The following CD44 variants were observed in gnomAD, a reference collection of about 807,000 sequenced individuals.
CD44 encodes the protein CD44 antigen.
Under a neutral mutation model 88.8 loss-of-function variants are expected in CD44, and 49 were observed. The ratio of observed to expected loss-of-function variants is 0.55; its 90% CI spans 0.44 to 0.70. The LOEUF (loss-of-function observed/expected upper bound fraction) is 0.70, where lower values mean the gene tolerates loss of function less well. Ranked by LOEUF, CD44 falls within the 30% of genes least tolerant of loss-of-function variation. The probability of loss-of-function intolerance (pLI) is 0.00; values close to 1 mark genes in which losing one functional copy is unlikely to be tolerated. For missense variants in CD44, 883 were observed against 913.8 expected, an observed-to-expected ratio of 0.97 and a Z score of 0.43; for synonymous variants, 325 against 312.3, an observed-to-expected ratio of 1.04 and a Z score of -0.43.
intron 17 of CD44, among the ~76,000 whole-genome samples, chr11:35,227,722 G>A (rs1368199464): frequency 1.3e-5 from 2 of 152,186 alleles, no homozygotes; most frequent in African/African-American, 2.4e-5. Flanking sequence ...GAATAATAGA[G>A]GCTTTGTCAC....
Position 35,201,666 on chromosome 11 carries a change from A to G in CD44, c.1037-5A>G, listed in dbSNP as rs761933405. On this transcript the variant is annotated splice_polypyrimidine_tract_variant and splice_region_variant and intron_variant, in intron 8 of 17. Coordinates refer to ENST00000428726, the MANE Select transcript of CD44 (RefSeq NM_000610.4). Reference sequence around the variant, plus strand: ...TCACAGTGTATTTAACCATCATCACAGCAGATGTAGACAGAAATGGCACCA... The same window carrying G: ...TCACAGTGTATTTAACCATCATCACGGCAGATGTAGACAGAAATGGCACCA... The G allele has an allele frequency of 2.0e-5, 32 of 1,613,552 alleles. No individual in the cohort carries two copies. Among genetic ancestry groups the G allele is most frequent in the Non-Finnish European group, 2.5e-6 (3 of 1,179,640 alleles).
chr11:35,211,632 T>A (rs1351590357), intron 14 of CD44, among the ~76,000 whole-genome samples, 183 bp downstream of exon 14: 1 of 151,782 alleles, frequency 6.6e-6, no homozygotes, highest in East Asian at 1.9e-4. Flanking sequence ...GATAAAAGAA[T>A]GCTTCCTTTT....
In CD44 at chr11:35,232,303, A is replaced by G. The variant is rs568494178; in HGVS notation, c.*2970A>G. On this transcript the variant is annotated 3_prime_UTR_variant, in exon 18 of 18. Transcript: ENST00000428726. Reference sequence around the variant, plus strand: ...CTGGTTTTTGTATATTTATTGATGGATCAATAATAATGAGGAAAGCATGAT... The same window carrying G: ...CTGGTTTTTGTATATTTATTGATGGGTCAATAATAATGAGGAAAGCATGAT... 1 of 152,742 alleles carries G rather than the reference A, an allele frequency of 6.5e-6. No homozygotes were observed. The highest frequency in any genetic ancestry group is 1.9e-4 in the East Asian group (1 of 5,184). The allele number at this position is 152,742 out of a possible 1,614,324, so 9.5% of individuals were successfully genotyped here.
intron 17 of CD44, among the ~76,000 whole-genome samples, chr11:35,225,147 A>G (rs1013515710): frequency 1.6e-5 from 2 of 122,842 alleles, no homozygotes; most frequent in Non-Finnish European, 3.8e-5. Context: ...TGAATTTTTA[A>G]TTTCATTTCA....
intron 12 of CD44, 21 bp downstream of exon 12, chr11:35,208,227 C>T: frequency 6.8e-7 from 1 of 1,473,708 alleles, no homozygotes; most frequent in Non-Finnish European, 9.5e-7. Context: ...CGATGCTCAG[C>T]CACTTTATTG....
At chr11:35,171,761 A>C (rs1312298749) in intron 1 of CD44, among the ~76,000 whole-genome samples, 2 of 152,234 alleles carry the variant, frequency 1.3e-5, no homozygotes, top group Non-Finnish European at 2.9e-5. Flanking sequence ...CTGGGAATTT[A>C]ATCACATCAA....
At chr11:35,223,681 A>T (rs1949483986) in intron 17 of CD44, among the ~76,000 whole-genome samples, 1 of 152,134 alleles carries the variant, frequency 6.6e-6, no homozygotes, top group Admixed American at 6.5e-5. Context: ...GGATGCCATA[A>T]ATTACTATGT....
chr11:35,188,052 T>C (rs1210102441), intron 4 of CD44, among the ~76,000 whole-genome samples: 3 of 152,144 alleles, frequency 2.0e-5, no homozygotes, highest in African/African-American at 7.2e-5. Flanking sequence ...AACTTTCAAA[T>C]AGGCTAACTG....
At chr11:35,183,601 T>C (rs1179669340) in intron 3 of CD44, among the ~76,000 whole-genome samples, 3 of 152,190 alleles carry the variant, frequency 2.0e-5, no homozygotes, top group Non-Finnish European at 4.4e-5. Context: ...TCTTAGTAGA[T>C]AGCTTCCATA....
intron 15 of CD44, among the ~76,000 whole-genome samples, chr11:35,215,790 C>T (rs569918727): frequency 1.9e-4 from 29 of 151,626 alleles, no homozygotes; most frequent in Admixed American, 5.9e-4. Context: ...GAGAATTGCT[C>T]GGACCTGGCA....
At chr11:35,161,572 G>A (rs1252358051) in intron 1 of CD44, among the ~76,000 whole-genome samples, 1 of 152,234 alleles carries the variant, frequency 6.6e-6, no homozygotes, top group East Asian at 1.9e-4. Context: ...GGGCAGCGCT[G>A]TAAGTCTCTG....
intron 4 of CD44, among the ~76,000 whole-genome samples, chr11:35,187,474 C>T (rs770649869): frequency 7.9e-5 from 12 of 152,112 alleles, no homozygotes; most frequent in Non-Finnish European, 1.8e-4. Flanking sequence ...ACAATGCTCT[C>T]ATTTACTTGA....
At chr11:35,185,376 A>G (rs964486271) in intron 3 of CD44, among the ~76,000 whole-genome samples, 3 of 152,196 alleles carry the variant, frequency 2.0e-5, no homozygotes, top group African/African-American at 7.2e-5. Context: ...GCCCAAAGAA[A>G]TGGGCAGGTT....
At chr11:35,211,838 A>G (rs1376079032) in intron 14 of CD44, among the ~76,000 whole-genome samples, 1 of 152,120 alleles carries the variant, frequency 6.6e-6, no homozygotes, top group Non-Finnish European at 1.5e-5. Flanking sequence ...GTTTAATTCG[A>G]CTAATATACT....
rs537145227 is a variant in CD44 at position 35,229,348 on chromosome 11, T to C, written c.*15T>C. The C allele has an allele frequency of 6.4e-7, 1 of 1,553,604 alleles. No homozygotes were observed. The highest frequency in any genetic ancestry group is 1.4e-5 in the African/African-American group (1 of 73,750). On this transcript the variant is annotated 3_prime_UTR_variant, in exon 18 of 18. Transcript: ENST00000428726. Reference sequence around the variant, plus strand: ...TTGGGGTGTAACACCTACACCATTATCTTGGAAAGAAACAACCGTTGGAAA... The same window carrying C: ...TTGGGGTGTAACACCTACACCATTACCTTGGAAAGAAACAACCGTTGGAAA...
intron 9 of CD44, 54 bp from the exon 10 acceptor site, chr11:35,204,458 C>T (rs1947632207): frequency 1.3e-6 from 2 of 1,580,806 alleles, no homozygotes; most frequent in Admixed American, 3.4e-5. Flanking sequence ...ATGTTGACAG[C>T]TATTGGTGAG....
chr11:35,220,220 A>G (rs1470009274), intron 16 of CD44, among the ~76,000 whole-genome samples: 1 of 152,182 alleles, frequency 6.6e-6, no homozygotes, highest in African/African-American at 2.4e-5. Flanking sequence ...GGCTGTCCCA[A>G]GGGAGAGCAC....
intron 2 of CD44, 84 bp from the exon 3 acceptor site, chr11:35,180,190 C>A: frequency 7.3e-7 from 1 of 1,369,730 alleles, no homozygotes; most frequent in Non-Finnish European, 1.0e-6. Flanking sequence ...AAGTGTTGCA[C>A]GGCATTAAAT....
At chr11:35,226,683 TAAC>T (rs1949710332) in intron 17 of CD44, among the ~76,000 whole-genome samples, 2 of 152,060 alleles carry the variant, frequency 1.3e-5, no homozygotes, top group South Asian at 2.1e-4. Flanking sequence ...GCAAGAATAA[TAAC>T]AATAGACTCA....
Sources: gnomAD v4.1 joint callset for allele counts (sites outside exome capture counted in the v4.1 genomes callset) on GRCh38, gnomAD v4.1.1 for gene constraint, MANE v1.5 for transcripts, NCBI Gene and HGNC (gene_info 2026-07-23, HGNC 2026-07-21) for gene names.